The following PUDP variants were observed in gnomAD, a reference collection of about 807,000 sequenced individuals.
The protein encoded by PUDP is pseudouridine-5'-phosphatase.
Under a neutral mutation model 9.4 loss-of-function variants are expected in PUDP, and 8 were observed. That is an observed-to-expected ratio of 0.85 (90% CI 0.50 to 1.53). PUDP has a LOEUF of 1.53. Among genes scored for constraint, PUDP ranks in the 40% most tolerant of loss-of-function variants. The probability of loss-of-function intolerance (pLI) is 0.00; values close to 1 mark genes in which losing one functional copy is unlikely to be tolerated. For missense variants in PUDP, 188 were observed against 189.7 expected, an observed-to-expected ratio of 0.99 and a Z score of 0.05; for synonymous variants, 99 against 80.7, an observed-to-expected ratio of 1.23 and a Z score of -1.22.
chrX:7,103,746 A>G (rs1162666762), intron 2 of PUDP, among the ~76,000 whole-genome samples: 1 of 112,605 alleles, frequency 8.9e-6, no homozygotes, highest in African/African-American at 3.2e-5. Flanking sequence ...GGATGTGCAC[A>G]GACATTTCTT....
chrX:6,882,076 C>A (rs1342600709), intron 3 of PUDP, among the ~76,000 whole-genome samples: 1 of 106,494 alleles, frequency 9.4e-6, no homozygotes, highest in Non-Finnish European at 1.9e-5. Context: ...TGAGTTCAAG[C>A]GATTCTCCTG....
At chrX:6,935,191 C>G (rs1457385832) in intron 3 of PUDP, among the ~76,000 whole-genome samples, 2 of 107,087 alleles carry the variant, frequency 1.9e-5, no homozygotes, top group East Asian at 5.9e-4. Flanking sequence ...TTTTTTTAAG[C>G]ACCACACCAC....
intron 3 of PUDP, among the ~76,000 whole-genome samples, chrX:6,840,213 C>T (rs1295147118): frequency 1.8e-5 from 2 of 111,784 alleles, no homozygotes; most frequent in African/African-American, 6.5e-5. Flanking sequence ...TGCCTGCTGC[C>T]ATGTAAGACG....
intron 1 of PUDP, among the ~76,000 whole-genome samples, chrX:7,037,324 T>A (rs1277975082): frequency 8.9e-6 from 1 of 112,213 alleles, no homozygotes; most frequent in Non-Finnish European, 1.9e-5. Context: ...CCTTGACTTA[T>A]CTTCACCAGG....
At chrX:6,861,355 T>A (rs1395416909) in intron 3 of PUDP, among the ~76,000 whole-genome samples, 1 of 111,871 alleles carries the variant, frequency 8.9e-6, no homozygotes, top group African/African-American at 3.2e-5. Flanking sequence ...GGAGGCTTTC[T>A]AATACATATA....
intron 3 of PUDP, among the ~76,000 whole-genome samples, chrX:6,816,000 T>C (rs753669336): frequency 8.6e-4 from 92 of 106,488 alleles, no homozygotes; most frequent in African/African-American, 2.8e-3. Context: ...GTAATGTATA[T>C]ACTATATATT....
At chrX:6,932,503 G>C (rs746966650) in intron 3 of PUDP, among the ~76,000 whole-genome samples, 35 of 111,865 alleles carry the variant, frequency 3.1e-4, no homozygotes, top group African/African-American at 1.1e-3. Context: ...CATGATGGCC[G>C]AACAGGAACA....
At chrX:6,978,818 C>T (rs908129726) in intron 1 of PUDP, among the ~76,000 whole-genome samples, 9 of 111,841 alleles carry the variant, frequency 8.0e-5, no homozygotes, top group African/African-American at 1.3e-4. Context: ...TACAATCTTG[C>T]TTTCTTGTCT....
chrX:6,891,654 G>A (rs1452487063), intron 3 of PUDP, among the ~76,000 whole-genome samples: 3 of 111,674 alleles, frequency 2.7e-5, no homozygotes, highest in Non-Finnish European at 5.7e-5. Flanking sequence ...ACAAGCCATT[G>A]CCCTCTGCCT....
At chrX:6,889,299 G>A (rs11095239) in intron 3 of PUDP, among the ~76,000 whole-genome samples, 20,768 of 110,522 alleles carry the variant, frequency 0.19, 1,838 homozygotes, top group Middle Eastern at 0.28. Context: ...CTCCCTCCAC[G>A]TTGATTGACA....
At position 7,077,433 on chromosome X, in the gene PUDP, G is replaced by A; in HGVS notation, c.297C>T (p.Ile99=). ...AALMPGAEKL[I]IHLRKHGIPF... ...GGATGCCATGTTTCCGCAGGTGGATGATGAGTTTCTCCGCCCCTGGGGAGG... is the reference window on the plus strand; with the variant it reads ...GGATGCCATGTTTCCGCAGGTGGATAATGAGTTTCTCCGCCCCTGGGGAGG... The change falls in exon 3 of 4, where the codon ATC becomes ATT. Residue 99 remains isoleucine, a synonymous_variant. Coordinates refer to ENST00000381077, the MANE Select transcript of PUDP (RefSeq NM_012080.5). 8.3e-7 allele frequency: 1 copy of A among 1,209,977 alleles called. No homozygotes were observed. Among genetic ancestry groups the A allele is most frequent in the Non-Finnish European group, 1.1e-6 (1 of 894,066 alleles).
intron 3 of PUDP, among the ~76,000 whole-genome samples, chrX:7,058,872 C>T (rs1418227382): frequency 9.0e-6 from 1 of 111,557 alleles, no homozygotes; most frequent in African/African-American, 3.3e-5. Flanking sequence ...TTCATCCAAA[C>T]ATCCACCTAC....
chrX:6,780,416 T>C (rs1925541204), intron 3 of PUDP, among the ~76,000 whole-genome samples: 1 of 111,058 alleles, frequency 9.0e-6, no homozygotes, highest in Non-Finnish European at 1.9e-5. Flanking sequence ...TATACACATA[T>C]ATTTAGATAT....
At chrX:7,018,871 T>C (rs562693029) in intron 1 of PUDP, among the ~76,000 whole-genome samples, 4 of 112,163 alleles carry the variant, frequency 3.6e-5, no homozygotes, top group South Asian at 3.7e-4. Context: ...GTTAAGGGAA[T>C]AGATTGATAA....
intron 3 of PUDP, among the ~76,000 whole-genome samples, chrX:7,065,685 G>A (rs1397892013): frequency 8.9e-6 from 1 of 112,306 alleles, no homozygotes; most frequent in African/African-American, 3.2e-5. Context: ...AAGGTACAAG[G>A]AAGGTACAAC....
chrX:6,803,817 C>T (rs1055794726), intron 3 of PUDP, among the ~76,000 whole-genome samples: 1 of 111,861 alleles, frequency 8.9e-6, no homozygotes, highest in African/African-American at 3.3e-5. Flanking sequence ...GATCAATTCT[C>T]CAGATCATTG....
At chrX:7,011,418 C>T (rs1241883867) in intron 1 of PUDP, among the ~76,000 whole-genome samples, 1 of 111,360 alleles carries the variant, frequency 9.0e-6, no homozygotes, top group African/African-American at 3.3e-5. Context: ...GGAAAATACC[C>T]AACAGTGTAC....
rs1005701351 is a variant in PUDP, at chrX:6,839,496, A to G, written c.*248-133030T>C. Among the ~76,000 whole-genome samples the G allele has an allele frequency of 1.3e-3, 140 of 111,802 alleles. 1 individual carries two copies. The highest frequency in any genetic ancestry group is 4.4e-3 in the African/African-American group (135 of 30,782). On this transcript the variant is annotated intron_variant and NMD_transcript_variant, in intron 3 of 3. Transcript: ENST00000655425. ...ACCACCACTCCCCCGACCATGATAA[A>G]TTTCTTGCCTTGGACCATTCTTTGT... is the stretch of plus-strand genomic sequence containing the variant.
chrX:7,137,434 C>T (rs1205588012), intron 1 of PUDP, among the ~76,000 whole-genome samples: 1 of 109,550 alleles, frequency 9.1e-6, no homozygotes, highest in African/African-American at 3.3e-5. Context: ...GCAGTCCCAG[C>T]TTCTCGGGAG....
Sources: gnomAD v4.1 joint callset for allele counts (sites outside exome capture counted in the v4.1 genomes callset) on GRCh38, gnomAD v4.1.1 for gene constraint, MANE v1.5 for transcripts, NCBI Gene and HGNC (gene_info 2026-07-23, HGNC 2026-07-21) for gene names.